The following ENOPH1 variants were observed in gnomAD, a reference collection of about 807,000 sequenced individuals.
ENOPH1 encodes the protein enolase-phosphatase E1.
ENOPH1 carries 14 observed loss-of-function variants against 31.1 expected under a neutral mutation model. That is an observed-to-expected ratio of 0.45 (90% confidence interval 0.30 to 0.70). The LOEUF (loss-of-function observed/expected upper bound fraction) is 0.70, where lower values mean the gene tolerates loss of function less well. Among genes scored for constraint, ENOPH1 ranks in the 30% least tolerant of loss-of-function variants. The pLI is 0.09. For missense variants in ENOPH1, 243 were observed against 321.5 expected (o/e 0.76, Z 1.87); for synonymous variants, 127 against 123.2 (o/e 1.03, Z -0.21).
intron 2 of ENOPH1, among the ~76,000 whole-genome samples, chr4:82,449,706 C>T (rs1722297558): frequency 6.6e-6 from 1 of 152,242 alleles, no homozygotes; most frequent in African/African-American, 2.4e-5. Context: ...TGGGGACACA[C>T]ATCCAAGCCA....
chr4:82,437,457 A>G (rs1721936806), intron 1 of ENOPH1, among the ~76,000 whole-genome samples: 1 of 152,162 alleles, frequency 6.6e-6, no homozygotes. Context: ...GCACATTCCA[A>G]TCATGCCCTT....
rs753146466 is a variant in ENOPH1, at chr4:82,460,151, C to G, written c.*31C>G. 5.0e-6 allele frequency: 8 copies of G among 1,612,668 alleles called. No individual in the cohort carries two copies. Among genetic ancestry groups the G allele is most frequent in the Non-Finnish European group, 6.8e-6 (8 of 1,179,010 alleles). On this transcript the variant is annotated 3_prime_UTR_variant, in exon 6 of 6. Transcript: ENST00000273920. Reference sequence around the variant, plus strand: ...GGTTGTTAAGGCAGACCGCCCTGTTCCCCAGAGTTGTCCCTGTAGTGTCTA... The same window carrying G: ...GGTTGTTAAGGCAGACCGCCCTGTTGCCCAGAGTTGTCCCTGTAGTGTCTA...
At chr4:82,438,373 G>A (rs1721960797) in intron 1 of ENOPH1, among the ~76,000 whole-genome samples, 1 of 152,204 alleles carries the variant, frequency 6.6e-6, no homozygotes, top group African/African-American at 2.4e-5. Context: ...AGTAAAAGGG[G>A]TTGGGCATGG....
intron 2 of ENOPH1, among the ~76,000 whole-genome samples, chr4:82,448,787 G>A (rs1369667089): frequency 6.6e-6 from 1 of 151,628 alleles, no homozygotes; most frequent in Non-Finnish European, 1.5e-5. Flanking sequence ...GGCCGGGCGC[G>A]GTGGCTCACG....
intron 1 of ENOPH1, among the ~76,000 whole-genome samples, chr4:82,444,612 T>A (rs1422045012): frequency 6.6e-6 from 1 of 152,244 alleles, no homozygotes; most frequent in African/African-American, 2.4e-5. Flanking sequence ...GGCAACTTTT[T>A]AAATTAGGTC....
At chr4:82,456,123 T>G (rs1348268851) in intron 4 of ENOPH1, among the ~76,000 whole-genome samples, 2 of 151,640 alleles carry the variant, frequency 1.3e-5, no homozygotes, top group Non-Finnish European at 2.9e-5. Context: ...CTAATAAGAA[T>G]TTTACTCTCT....
chr4:82,450,163 G>A (rs72909835), intron 2 of ENOPH1, among the ~76,000 whole-genome samples: 20,766 of 152,146 alleles, frequency 0.14, 1,596 homozygotes, highest in African/African-American at 0.2. Context: ...TAATTTTCTG[G>A]ATAACTCAGG....
At chr4:82,446,227 G>A (rs1249302156) in intron 1 of ENOPH1, among the ~76,000 whole-genome samples, 1 of 152,108 alleles carries the variant, frequency 6.6e-6, no homozygotes, top group Non-Finnish European at 1.5e-5. Flanking sequence ...AGACCAGCCT[G>A]GCCAACATGG....
intron 1 of ENOPH1, among the ~76,000 whole-genome samples, chr4:82,444,760 A>G (rs887265201): frequency 6.6e-6 from 1 of 152,214 alleles, no homozygotes; most frequent in Non-Finnish European, 1.5e-5. Context: ...CTCTAGTTCT[A>G]TAGCCTTTTG....
chr4:82,453,210 C>T (rs149554445), intron 3 of ENOPH1, among the ~76,000 whole-genome samples: 4 of 152,274 alleles, frequency 2.6e-5, no homozygotes, highest in Non-Finnish European at 4.4e-5. Flanking sequence ...GTGTGAAATT[C>T]TTAAGGATTT....
In ENOPH1 at chr4:82,446,792, C is replaced by T. The variant is rs562916823; in HGVS notation, c.85-1128C>T. Among the ~76,000 whole-genome samples, 855 of 148,612 alleles carry T rather than the reference C, an allele frequency of 5.8e-3. 10 individuals are homozygous for T. Among genetic ancestry groups the T allele is most frequent in the Non-Finnish European group, 5.9e-3 (399 of 67,238 alleles). On this transcript the variant is annotated intron_variant, in intron 1 of 5. Coordinates refer to ENST00000273920, the MANE Select transcript of ENOPH1 (RefSeq NM_021204.5). ...CGCAATCTCGGCTCACTGCAAGCTC[C>T]GCTTCCCGGGTTCACGCCATTCTCC...
At chr4:82,435,940 T>G (rs12500219) in intron 1 of ENOPH1, among the ~76,000 whole-genome samples, 39,751 of 152,120 alleles carry the variant, frequency 0.26, 8,122 homozygotes, top group African/African-American at 0.58. Flanking sequence ...AAGATGGAAT[T>G]CAAAAGCCTT....
chr4:82,449,763 T>G (rs894637349), intron 2 of ENOPH1, among the ~76,000 whole-genome samples: 1 of 152,064 alleles, frequency 6.6e-6, no homozygotes, highest in South Asian at 2.1e-4. Context: ...ACTCCCTCCT[T>G]CCTTACTGCA....
At chr4:82,457,618 T>TAC (rs149668370) in intron 5 of ENOPH1, among the ~76,000 whole-genome samples, 2,519 of 151,064 alleles carry the variant, frequency 0.017, 65 homozygotes, top group African/African-American at 0.055. Context: ...CATCGCTATG[T>TAC]ACACACACAC....
In ENOPH1 at chr4:82,430,768, A is replaced by G; in HGVS notation, c.-62A>G. The G allele has an allele frequency of 1.3e-6, 2 of 1,520,584 alleles. No homozygotes were observed. The highest frequency in any genetic ancestry group is 1.8e-6 in the Non-Finnish European group (2 of 1,097,518). The allele number at this position is 1,520,584 out of a possible 1,614,324, so 94.2% of individuals were successfully genotyped here. A position where few individuals can be genotyped will look rare whatever the true frequency, so the allele number is the denominator to read the frequency against. On this transcript the variant is annotated 5_prime_UTR_variant, in exon 1 of 6. Transcript: ENST00000273920. ...AGACGGTACCGGGGGCCGCAGCCGC[A>G]GCCGGCGCCGCCCTCCGCCCTCCCC...
rs1382141181 is a variant in ENOPH1, at chr4:82,459,986, A to C, written c.652A>C (p.Ser218Arg). Residue 218 changes from serine (S) to arginine (R), a missense_variant, in exon 6 of 6, where the codon AGT becomes CGT. Transcript: ENST00000273920. ...CATCCTTTGATTTTTCACAGAGGCCAGTGCTGCTGAGGAAGCAGATGTGCA... is the reference window on the plus strand; with the variant it reads ...CATCCTTTGATTTTTCACAGAGGCCCGTGCTGCTGAGGAAGCAGATGTGCA... ...LFLTDVTREA[S>R]AAEEADVHVA... 6.2e-7 allele frequency: 1 copy of C among 1,613,802 alleles called. No homozygotes were observed. The highest frequency in any genetic ancestry group is 8.5e-7 in the Non-Finnish European group (1 of 1,180,000).
At chr4:82,434,851 G>A (rs1379445861) in intron 1 of ENOPH1, among the ~76,000 whole-genome samples, 1 of 152,088 alleles carries the variant, frequency 6.6e-6, no homozygotes, top group African/African-American at 2.4e-5. Context: ...AGGTTGCAGT[G>A]AGCCGAGATC....
intron 1 of ENOPH1, among the ~76,000 whole-genome samples, chr4:82,442,728 TCC>T (rs915410173): frequency 5.3e-5 from 8 of 152,196 alleles, no homozygotes; most frequent in African/African-American, 1.9e-4. Context: ...GTGTTAAATA[TCC>T]CCCCGATAGG....
At position 82,457,014 on chromosome 4, in the gene ENOPH1, T is replaced by G. The variant is rs202056981; in HGVS notation, c.622T>G (p.Leu208Val). 6.2e-7 allele frequency: 1 copy of G among 1,614,098 alleles called. No individual in the cohort carries two copies. The highest frequency in any genetic ancestry group is 2.2e-5 in the East Asian group (1 of 44,870). ...DSIGCSTNNI[L>V]FLTDVTREAS... ...CATTGGGTGCTCAACCAACAACATT[T>G]TGTTTCTGACAGATGTTACTCGAGG... The change falls in exon 5 of 6, where the codon TTG (leucine) becomes GTG (valine). Residue 208 changes from leucine to valine, a missense_variant. Transcript: ENST00000273920.
Sources: gnomAD v4.1 joint callset for allele counts (sites outside exome capture counted in the v4.1 genomes callset) on GRCh38, gnomAD v4.1.1 for gene constraint, MANE v1.5 for transcripts, NCBI Gene and HGNC (gene_info 2026-07-23, HGNC 2026-07-21) for gene names.